The following CHN1 variants were observed in gnomAD, a reference collection of about 807,000 sequenced individuals.
CHN1 encodes the protein chimerin 1, also known as N-chimaerin.
CHN1 carries 37 observed loss-of-function variants against 59.5 expected under a neutral mutation model. That is an observed-to-expected ratio of 0.62 (90% confidence interval 0.48 to 0.82). CHN1 has a LOEUF of 0.82. CHN1 is among the 40% of genes least tolerant of loss of function. The pLI is 0.00. For synonymous variants in CHN1, 206 were observed against 200.4 expected (o/e 1.03, Z -0.24); for missense variants, 469 against 571.0 (o/e 0.82, Z 1.82).
intron 3 of CHN1, among the ~76,000 whole-genome samples, chr2:174,930,288 G>T (rs1689297145): frequency 6.6e-6 from 1 of 152,196 alleles, no homozygotes. Flanking sequence ...CATAACAGAA[G>T]CAGTGTATTA....
At chr2:174,849,627 A>G (rs559616460) in intron 6 of CHN1, among the ~76,000 whole-genome samples, 3 of 152,214 alleles carry the variant, frequency 2.0e-5, no homozygotes, top group Non-Finnish European at 4.4e-5. Context: ...AATATCTAGT[A>G]GATAGCCATC....
At chr2:174,978,002 A>G (rs1003119022) in intron 1 of CHN1, among the ~76,000 whole-genome samples, 1 of 152,224 alleles carries the variant, frequency 6.6e-6, no homozygotes, top group African/African-American at 2.4e-5. Context: ...AGAAAAAATA[A>G]AAGTAATGAA....
At chr2:174,878,243 G>T in intron 5 of CHN1, 115 bp from the exon 6 acceptor site, 3 of 918,982 alleles carry the variant, frequency 3.3e-6, no homozygotes, top group Non-Finnish European at 4.7e-6. Flanking sequence ...TGTCTTCTTT[G>T]TTTAAATAAG....
intron 5 of CHN1, among the ~76,000 whole-genome samples, chr2:174,892,954 A>G (rs1056943336): frequency 2.6e-5 from 4 of 152,198 alleles, no homozygotes; most frequent in African/African-American, 9.6e-5. Flanking sequence ...CAAACTGGGA[A>G]TAGAAGGAAA....
chr2:174,814,113 G>GA (rs1685164546), intron 8 of CHN1, among the ~76,000 whole-genome samples: 1 of 152,182 alleles, frequency 6.6e-6, no homozygotes, highest in Non-Finnish European at 1.5e-5. Context: ...CAACTCTCGG[G>GA]AAAGAATTCA....
chr2:174,918,611 G>A (rs1243599419), intron 3 of CHN1, 46 bp from the exon 4 acceptor site: 2 of 1,473,764 alleles, frequency 1.4e-6, no homozygotes, highest in East Asian at 2.3e-5. Context: ...AAATGCAAAT[G>A]TGCAGAACAT....
At chr2:174,980,235 G>C (rs1429081015) in intron 1 of CHN1, among the ~76,000 whole-genome samples, 2 of 151,954 alleles carry the variant, frequency 1.3e-5, no homozygotes, top group African/African-American at 4.8e-5. Context: ...CAAGACTTAC[G>C]TAAAAAAAAG....
intron 1 of CHN1, among the ~76,000 whole-genome samples, chr2:174,997,226 C>G (rs1275255404): frequency 6.6e-6 from 1 of 152,192 alleles, no homozygotes; most frequent in Non-Finnish European, 1.5e-5. Flanking sequence ...CTAGTTTCTA[C>G]ACCCTTCTCT....
chr2:174,963,088 C>T (rs1027785361), intron 1 of CHN1, among the ~76,000 whole-genome samples: 1 of 152,060 alleles, frequency 6.6e-6, no homozygotes, highest in Non-Finnish European at 1.5e-5. Context: ...TATGCTGGCA[C>T]ACAGAAATGT....
intron 3 of CHN1, among the ~76,000 whole-genome samples, chr2:174,942,422 A>G (rs1689693244): frequency 6.6e-6 from 1 of 152,136 alleles, no homozygotes; most frequent in Admixed American, 6.5e-5. Flanking sequence ...AAAGATGAAT[A>G]CTGCACATTC....
intron 10 of CHN1, chr2:174,811,019 G>A (rs1685054328): frequency 6.6e-6 from 1 of 152,240 alleles, no homozygotes; most frequent in Admixed American, 6.5e-5. Flanking sequence ...GTGGCTGATG[G>A]GTCCCCCACA....
chr2:174,941,341 T>C (rs925268455), intron 3 of CHN1, among the ~76,000 whole-genome samples: 2 of 152,186 alleles, frequency 1.3e-5, no homozygotes, highest in African/African-American at 4.8e-5. Flanking sequence ...TATTCATTCT[T>C]ACTGGGGCTT....
chr2:175,003,110 G>C (rs72923200), intron 1 of CHN1, among the ~76,000 whole-genome samples: 3 of 152,266 alleles, frequency 2.0e-5, no homozygotes, highest in Non-Finnish European at 4.4e-5. Flanking sequence ...ATTTTTAATA[G>C]ACATCCCAGA....
intron 5 of CHN1, among the ~76,000 whole-genome samples, chr2:174,884,106 C>G (rs1687822931): frequency 6.6e-6 from 1 of 151,378 alleles, no homozygotes; most frequent in Non-Finnish European, 1.5e-5. Flanking sequence ...TAGCTGGGAG[C>G]TACAGGCACC....
intron 1 of CHN1, among the ~76,000 whole-genome samples, chr2:174,952,408 C>A (rs184454199): frequency 1.9e-4 from 29 of 152,190 alleles, no homozygotes; most frequent in Admixed American, 1.0e-3. Flanking sequence ...AATAAAGTTA[C>A]TGTATTTATT....
In CHN1 at chr2:174,878,086, GC is replaced by G; in HGVS notation, c.302del (p.Gly101AlafsTer17). On this transcript the variant is annotated frameshift_variant, in exon 6 of 13. Coordinates refer to ENST00000409900, the MANE Select transcript of CHN1 (RefSeq NM_001822.7). LOFTEE classifies it high-confidence loss of function. ...QTRNFRLYYD[G>X]KHFVGEKRFE... The stretch of plus-strand genomic sequence containing the variant: ...AGCGTTTCTCCCCAACAAAGTGCTT[GC>G]CATCGTAGTAGAGCCTGAAGTTTCT... The G allele has an allele frequency of 6.2e-7, 1 of 1,608,306 alleles. No individual in the cohort carries two copies. The highest frequency in any genetic ancestry group is 8.5e-7 in the Non-Finnish European group (1 of 1,176,318).
intron 5 of CHN1, among the ~76,000 whole-genome samples, chr2:174,906,606 C>A (rs1226180347): frequency 6.6e-6 from 1 of 151,848 alleles, no homozygotes; most frequent in East Asian, 1.9e-4. Context: ...ACTGAAGAAA[C>A]AGTTTTAAAA....
chr2:174,971,135 G>A (rs900280495), intron 1 of CHN1, among the ~76,000 whole-genome samples: 29 of 152,208 alleles, frequency 1.9e-4, no homozygotes, highest in African/African-American at 6.5e-4. Context: ...TGGCTAACAC[G>A]GTGAAACCCC....
At chr2:174,936,308 C>T (rs1020139065) in intron 3 of CHN1, among the ~76,000 whole-genome samples, 3 of 152,082 alleles carry the variant, frequency 2.0e-5, no homozygotes, top group Non-Finnish European at 4.4e-5. Flanking sequence ...GGGAAAAGTG[C>T]GTCCACTTTG....
Sources: gnomAD v4.1 joint callset for allele counts (sites outside exome capture counted in the v4.1 genomes callset) on GRCh38, gnomAD v4.1.1 for gene constraint, MANE v1.5 for transcripts, NCBI Gene and HGNC (gene_info 2026-07-23, HGNC 2026-07-21) for gene names.